Variants in ZNF385D observed in about 807,000 individuals in gnomAD.
ZNF385D encodes the protein zinc finger protein 659.
In ZNF385D, 15 loss-of-function variants were observed where a neutral mutation model predicts 35.8. The ratio of observed to expected loss-of-function variants is 0.42; its 90% CI spans 0.28 to 0.64. The LOEUF (loss-of-function observed/expected upper bound fraction) is 0.64. Among genes scored for constraint, ZNF385D ranks in the 30% least tolerant of loss-of-function variants. The pLI is 0.23. For missense variants in ZNF385D, 474 were observed against 494.6 expected (o/e 0.96, Z 0.39); for synonymous variants, 212 against 186.8 (o/e 1.13, Z -1.10).
At chr3:22,211,045 T>A (rs1697485985) in intron 2 of ZNF385D, among the ~76,000 whole-genome samples, 1 of 151,946 alleles carries the variant, frequency 6.6e-6, no homozygotes, top group African/African-American at 2.4e-5. Flanking sequence ...TTCCAAGAAA[T>A]CTTTTCTAAA....
intron 3 of ZNF385D, among the ~76,000 whole-genome samples, chr3:21,809,483 G>T (rs2072807056): frequency 6.6e-6 from 1 of 151,766 alleles, no homozygotes; most frequent in South Asian, 2.1e-4. Flanking sequence ...CTATAATGTG[G>T]TAAGGCTTTT....
chr3:22,371,560 T>C (rs909322262), intron 2 of ZNF385D, among the ~76,000 whole-genome samples: 2 of 152,136 alleles, frequency 1.3e-5, no homozygotes, highest in Non-Finnish European at 2.9e-5. Flanking sequence ...ACAAGCCTGA[T>C]TGTAAGGGGG....
intron 3 of ZNF385D, among the ~76,000 whole-genome samples, chr3:22,092,110 T>A (rs896183218): frequency 6.6e-6 from 1 of 152,170 alleles, no homozygotes; most frequent in African/African-American, 2.4e-5. Context: ...GGAAACTGAG[T>A]AACCAAAGGC....
intron 3 of ZNF385D, among the ~76,000 whole-genome samples, chr3:21,916,919 A>C (rs960156396): frequency 6.6e-6 from 1 of 152,158 alleles, no homozygotes; most frequent in Non-Finnish European, 1.5e-5. Flanking sequence ...TTCCAATCCC[A>C]TTCTGTATGT....
At chr3:21,680,676 T>A (rs916340512) in intron 1 of ZNF385D, among the ~76,000 whole-genome samples, 2 of 152,182 alleles carry the variant, frequency 1.3e-5, no homozygotes, top group African/African-American at 4.8e-5. Flanking sequence ...GGCTTTCTTG[T>A]TTATTTGCTA....
chr3:21,951,102 T>C (rs1378376884), intron 3 of ZNF385D, among the ~76,000 whole-genome samples: 2 of 151,686 alleles, frequency 1.3e-5, no homozygotes, highest in Admixed American at 6.6e-5. Context: ...GGTAGCTTGA[T>C]GGGGATAGCA....
chr3:21,770,789 C>T lies in ZNF385D; in HGVS notation c.326-105761G>A, dbSNP rs11920103. On this transcript the variant is annotated intron_variant, in intron 3 of 5. Coordinates refer to the ZNF385D transcript ENST00000494108. ...ATGCTGCTATAAAGACACATGCACA[C>T]GTATGTTTATTGCGGTACTACTCAC... is the stretch of plus-strand genomic sequence containing the variant. Among the ~76,000 whole-genome samples, 777 of 152,150 alleles carry T rather than the reference C, an allele frequency of 5.1e-3. 13 individuals are homozygous for T. The highest frequency in any genetic ancestry group is 0.017 in the African/African-American group (720 of 41,504).
intron 2 of ZNF385D, among the ~76,000 whole-genome samples, chr3:22,354,794 T>C (rs921992184): frequency 3.3e-5 from 5 of 152,082 alleles, no homozygotes; most frequent in Admixed American, 1.3e-4. Flanking sequence ...TGGAGTATAA[T>C]AGTCTTCTAT....
chr3:21,959,628 C>A (rs956553300), intron 3 of ZNF385D, among the ~76,000 whole-genome samples: 1 of 152,122 alleles, frequency 6.6e-6, no homozygotes, highest in Admixed American at 6.6e-5. Flanking sequence ...AGCCTAGTCA[C>A]CATGGTCTCC....
Position 21,849,509 on chromosome 3 carries a change from G to T in ZNF385D, c.326-184481C>A, listed in dbSNP as rs1030017661. 1.5e-4 allele frequency: 23 copies of T among 151,014 alleles called. No individual in the cohort carries two copies. The East Asian group carries it at 4.1e-3, about 27-fold the overall frequency. The allele number at this position is 151,014 out of a possible 1,614,324, so 9.4% of individuals were successfully genotyped here. ...ATATAAAAGAAAGCTTCTAACATGG[G>T]ACATCACAATAATTAAAGAATATTC... is the stretch of plus-strand genomic sequence containing the variant. On this transcript the variant is annotated intron_variant, in intron 3 of 5. Coordinates refer to the ZNF385D transcript ENST00000494108.
intron 1 of ZNF385D, among the ~76,000 whole-genome samples, chr3:21,711,089 T>C (rs1464034488): frequency 1.5e-5 from 2 of 132,796 alleles, no homozygotes; most frequent in Non-Finnish European, 3.1e-5. Context: ...TCGCCTAGGA[T>C]GGAGTGCAGT....
intron 4 of ZNF385D, among the ~76,000 whole-genome samples, chr3:21,456,415 G>A (rs1011604555): frequency 1.3e-5 from 2 of 152,182 alleles, no homozygotes; most frequent in Non-Finnish European, 2.9e-5. Context: ...AATAAAAAAG[G>A]ATGAGTTCAT....
intron 3 of ZNF385D, among the ~76,000 whole-genome samples, chr3:21,990,912 T>TA (rs1407517261): frequency 6.6e-6 from 1 of 152,224 alleles, no homozygotes; most frequent in African/African-American, 2.4e-5. Context: ...AACAGGTTGA[T>TA]ACAGCGGATC....
chr3:22,102,411 C>T lies in ZNF385D; in HGVS notation c.325+66406G>A, dbSNP rs527494730. On this transcript the variant is annotated intron_variant, in intron 3 of 5. Transcript: ENST00000494108. ...GTAAGAGTTAAAATATGAATCCCTG[C>T]AGTTTGAGACAAGAGTCCTTGCACC... Among the ~76,000 whole-genome samples, 21 of 152,124 alleles carry T rather than the reference C, an allele frequency of 1.4e-4. No homozygotes were observed. In the South Asian group the frequency reaches 4.4e-3, roughly 32 times the overall value.
At chr3:21,786,281 C>A (rs1021526646) in intron 3 of ZNF385D, among the ~76,000 whole-genome samples, 1 of 152,148 alleles carries the variant, frequency 6.6e-6, no homozygotes, top group East Asian at 1.9e-4. Context: ...CTGTGTCCTA[C>A]GCACGGCATG....
At chr3:22,009,092 A>G (rs1200955475) in intron 3 of ZNF385D, among the ~76,000 whole-genome samples, 2 of 152,230 alleles carry the variant, frequency 1.3e-5, no homozygotes, top group South Asian at 2.1e-4. Context: ...TGGTCAAACC[A>G]CTTTAGAGAG....
intron 3 of ZNF385D, among the ~76,000 whole-genome samples, chr3:22,094,195 T>C (rs1020663863): frequency 3.4e-4 from 52 of 151,294 alleles, no homozygotes; most frequent in Non-Finnish European, 5.6e-4. Context: ...TTATTCATCT[T>C]TTGGTTGTTC....
intron 2 of ZNF385D, among the ~76,000 whole-genome samples, chr3:22,258,392 G>A (rs1254120273): frequency 1.3e-5 from 2 of 151,740 alleles, no homozygotes; most frequent in African/African-American, 4.8e-5. Context: ...ATATTTAAAG[G>A]TTATAAAGTA....
At chr3:21,560,458 G>A (rs983685736) in intron 3 of ZNF385D, among the ~76,000 whole-genome samples, 1 of 152,330 alleles carries the variant, frequency 6.6e-6, no homozygotes, top group African/African-American at 2.4e-5. Flanking sequence ...GTTTGCCTGG[G>A]TATCACCAGC....
Sources: gnomAD v4.1 joint callset for allele counts (sites outside exome capture counted in the v4.1 genomes callset) on GRCh38, gnomAD v4.1.1 for gene constraint, MANE v1.5 for transcripts, NCBI Gene and HGNC (gene_info 2026-07-23, HGNC 2026-07-21) for gene names.